Variants in MRO observed in about 807,000 individuals in gnomAD.
MRO encodes protein maestro.
A neutral mutation model predicts 31.0 loss-of-function variants in MRO; 28 were observed. The ratio of observed to expected loss-of-function variants is 0.90; its 90% CI spans 0.67 to 1.24. The LOEUF (loss-of-function observed/expected upper bound fraction) is 1.24, where lower values mean the gene tolerates loss of function less well. Among genes scored for constraint, MRO ranks in the 50% most tolerant of loss-of-function variants. The pLI, the probability that MRO is intolerant of heterozygous loss-of-function variation, is 0.00. For missense variants in MRO, 332 were observed against 289.2 expected (o/e 1.15, Z -1.07); for synonymous variants, 108 against 108.4 (o/e 1.00, Z 0.02).
chr18:50,820,052 G>A, upstream of MRO: 4 of 1,203,150 alleles, frequency 3.3e-6, no homozygotes, highest in Non-Finnish European at 4.8e-6. Flanking sequence ...AAACCTCCCT[G>A]CCAAGGCCCG....
chr18:50,818,064 C>A (rs376258346), intron 2 of MRO, among the ~76,000 whole-genome samples: 24 of 148,328 alleles, frequency 1.6e-4, no homozygotes, highest in African/African-American at 4.7e-4. Context: ...GTCCTTTACA[C>A]CCAATCCAAC....
At chr18:50,810,174 T>C (rs1914351789) in intron 2 of MRO, among the ~76,000 whole-genome samples, 1 of 152,072 alleles carries the variant, frequency 6.6e-6, no homozygotes, top group African/African-American at 2.4e-5. Context: ...CTCAAACTCC[T>C]GGGCTCATGC....
intron 2 of MRO, 75 bp from the exon 3 acceptor site, chr18:50,809,479 G>A: frequency 2.0e-6 from 2 of 1,010,008 alleles, no homozygotes; most frequent in South Asian, 2.9e-5. Context: ...ACAATGCATT[G>A]TGCTGGGGTA....
chr18:50,802,714 T>G (rs1025078876), intron 5 of MRO, among the ~76,000 whole-genome samples: 1 of 151,904 alleles, frequency 6.6e-6, no homozygotes, highest in East Asian at 1.9e-4. Context: ...GTTTTTGTTT[T>G]TTTTTGTTTT....
chr18:50,823,168 C>T (rs1394645190), upstream of MRO, among the ~76,000 whole-genome samples: 5 of 152,136 alleles, frequency 3.3e-5, no homozygotes, highest in African/African-American at 4.8e-5. Flanking sequence ...AGCCACCTAA[C>T]CTGACTCCTC....
At chr18:50,809,216 C>A in intron 3 of MRO, 86 bp downstream of exon 3, 1 of 852,450 alleles carries the variant, frequency 1.2e-6, no homozygotes, top group East Asian at 3.0e-5. Flanking sequence ...GTGGAGCAGG[C>A]CTAACTAACC....
chr18:50,821,884 T>C (rs1915317206), upstream of MRO, among the ~76,000 whole-genome samples: 1 of 152,182 alleles, frequency 6.6e-6, no homozygotes, highest in Admixed American at 6.5e-5. Context: ...TAAACACTTC[T>C]CATAAACGGC....
intron 2 of MRO, among the ~76,000 whole-genome samples, chr18:50,810,888 C>A (rs938374914): frequency 1.3e-5 from 2 of 152,038 alleles, no homozygotes; most frequent in Non-Finnish European, 2.9e-5. Context: ...AGGGTACATG[C>A]GCACAACGTG....
rs1207004108 is a variant in MRO, at chr18:50,800,015, C to T, written c.693+21G>A. Reference sequence around the variant, plus strand: ...AGGGCAGGGACCGGAAAAGAATTCTCTCCTACCCTGGCTCACTCACCAGCT... The same window carrying T: ...AGGGCAGGGACCGGAAAAGAATTCTTTCCTACCCTGGCTCACTCACCAGCT... On this transcript the variant is annotated intron_variant, in intron 7 of 7. Coordinates refer to ENST00000398439, the MANE Select transcript of MRO (RefSeq NM_031939.6). The T allele has an allele frequency of 4.5e-6, 7 of 1,568,796 alleles. 1 individual carries two copies. Among genetic ancestry groups the T allele is most frequent in the Non-Finnish European group, 6.1e-6 (7 of 1,139,970 alleles).
chr18:50,817,298 G>A (rs1306184328), intron 2 of MRO, among the ~76,000 whole-genome samples: 1 of 152,006 alleles, frequency 6.6e-6, no homozygotes, highest in East Asian at 1.9e-4. Flanking sequence ...CTCAGTGTTG[G>A]TTGCACCTTC....
At chr18:50,818,274 C>T (rs564234228) in intron 2 of MRO, among the ~76,000 whole-genome samples, 110 of 152,324 alleles carry the variant, frequency 7.2e-4, no homozygotes, top group African/African-American at 2.6e-3. Context: ...ATGGTCACCA[C>T]ATATGCCTAG....
At position 50,806,817 on chromosome 18, in the gene MRO, G is replaced by C. The variant is rs754838218; in HGVS notation, c.133C>G (p.Pro45Ala). 2 of 1,614,118 alleles carry C rather than the reference G, an allele frequency of 1.2e-6. No individual in the cohort carries two copies. Among genetic ancestry groups the C allele is most frequent in the Non-Finnish European group, 1.7e-6 (2 of 1,180,002 alleles). The stretch of plus-strand genomic sequence containing the variant: ...AAGATGAAAAACACATTCTTCAGAG[G>C]CTCCCGCTTCTGGAACCTCAGTTTC... ...SWKLRFQKRE[P>A]LKNVFFILAE... The change falls in exon 4 of 8, where the codon CCT becomes GCT. Residue 45 changes from proline to alanine, a missense_variant. Physicochemically the swap from Pro to Ala is conservative, Grantham distance 27 (BLOSUM62 -1). Transcript: ENST00000398439.
Position 50,801,045 on chromosome 18 carries a change from C to T in MRO, c.585+304G>A, listed in dbSNP as rs79057583. 5.3e-4 allele frequency among the ~76,000 whole-genome samples: 81 copies of T among 152,280 alleles called. No homozygotes were observed. The East Asian group carries it at 0.015, about 28-fold the overall frequency. Reference sequence around the variant, plus strand: ...CTAAGTGGGCATGAATAAATATCCTCATTATGTGGGCTGCTGCACCATTGA... The same window carrying T: ...CTAAGTGGGCATGAATAAATATCCTTATTATGTGGGCTGCTGCACCATTGA... On this transcript the variant is annotated intron_variant, in intron 6 of 7. Coordinates refer to ENST00000398439, the MANE Select transcript of MRO (RefSeq NM_031939.6).
intron 6 of MRO, among the ~76,000 whole-genome samples, chr18:50,801,008 C>T (rs532384226): frequency 6.6e-6 from 1 of 152,072 alleles, no homozygotes; most frequent in African/African-American, 2.4e-5. Context: ...ATACCAGGCA[C>T]AATGACAAAA....
intron 2 of MRO, 165 bp downstream of exon 2, chr18:50,819,416 T>A (rs771623382): frequency 3.0e-5 from 30 of 985,048 alleles, no homozygotes; most frequent in Non-Finnish European, 3.6e-5. Context: ...TGGTCAACAT[T>A]GCCCACTTCA....
chr18:50,822,687 T>TCCCCCGCCCCCCGC (rs1018372833), upstream of MRO, among the ~76,000 whole-genome samples: 4 of 135,216 alleles, frequency 3.0e-5, no homozygotes, highest in Non-Finnish European at 6.3e-5. Context: ...AGGAAATACA[T>TCCCCCGCCCCCCGC]CCCCCGCCCC....
At chr18:50,820,064 T>G, upstream of MRO, 1 of 1,103,914 alleles carries the variant, frequency 9.1e-7, no homozygotes, top group Admixed American at 2.0e-5. Context: ...CAAGGCCCGT[T>G]CCCCATGCGG....
chr18:50,810,278 T>G lies in MRO; in HGVS notation c.-4-874A>C, dbSNP rs1914365209. Reference sequence around the variant, plus strand: ...TTGAACATAAATAAATTACATATATTACAACTATACAACTTTACAACGACT... The same window carrying G: ...TTGAACATAAATAAATTACATATATGACAACTATACAACTTTACAACGACT... On this transcript the variant is annotated intron_variant, in intron 2 of 7. Coordinates refer to ENST00000398439, the MANE Select transcript of MRO (RefSeq NM_031939.6). 2.6e-5 allele frequency among the ~76,000 whole-genome samples: 4 copies of G among 152,234 alleles called. No individual in the cohort carries two copies. The South Asian group carries it at 8.3e-4, about 32-fold the overall frequency.
At chr18:50,806,953 A>G in intron 3 of MRO, 103 bp from the exon 4 acceptor site, 3 of 1,169,732 alleles carry the variant, frequency 2.6e-6, no homozygotes, top group Admixed American at 2.0e-5. Context: ...TTGCCTGCTC[A>G]ATTTTACCCC....
Sources: allele counts gnomAD v4.1 joint callset (sites outside exome capture counted in the v4.1 genomes callset), GRCh38; gene constraint gnomAD v4.1.1; transcripts MANE v1.5; gene names NCBI Gene and HGNC (gene_info 2026-07-23, HGNC 2026-07-21).